Variants in COL6A5 observed in about 807,000 individuals in gnomAD.
COL6A5 encodes collagen alpha-5(VI) chain.
In COL6A5, 48 loss-of-function variants were observed where a neutral mutation model predicts 65.6. The observed-to-expected ratio is 0.73, with a 90% CI of 0.58 to 0.93. COL6A5 has a LOEUF of 0.93. Among genes scored for constraint, COL6A5 ranks in the 40% least tolerant of loss-of-function variants. COL6A5 has a pLI of 0.00. For missense variants in COL6A5, 914 were observed against 928.3 expected (o/e 0.98, Z 0.20); for synonymous variants, 291 against 322.8 (o/e 0.90, Z 1.05).
intron 5 of COL6A5, among the ~76,000 whole-genome samples, chr3:130,465,205 G>A (rs1709786861): frequency 6.6e-6 from 1 of 152,020 alleles, no homozygotes; most frequent in Non-Finnish European, 1.5e-5. Flanking sequence ...TGGAGCTGAG[G>A]AGTCAGAGCT....
chr3:130,478,260 G>A (rs1710147067), intron 7 of COL6A5, among the ~76,000 whole-genome samples: 1 of 152,130 alleles, frequency 6.6e-6, no homozygotes, highest in Admixed American at 6.6e-5. Context: ...GATGATGACA[G>A]TGATGATAAC....
chr3:130,400,610 A>G (rs561735915), intron 10 of COL6A5, among the ~76,000 whole-genome samples: 1 of 152,310 alleles, frequency 6.6e-6, no homozygotes, highest in Admixed American at 6.5e-5. Flanking sequence ...AATTGGGAAT[A>G]ACTTGAGAAT....
In COL6A5 at chr3:130,401,177, AG is replaced by A; in HGVS notation, c.4134+5del. On this transcript the variant is annotated splice_donor_5th_base_variant and intron_variant and NMD_transcript_variant, in intron 11 of 41. Coordinates refer to the COL6A5 transcript ENST00000312481. Reference sequence around the variant, plus strand: ...CAAAAAACTATCACAGTACCTGGTGAGTTGTTGAACAAAATCCCCGGTTGTT... The same window carrying A: ...CAAAAAACTATCACAGTACCTGGTGATTGTTGAACAAAATCCCCGGTTGTT... The A allele has an allele frequency of 6.5e-7, 1 of 1,532,888 alleles. No individual in the cohort carries two copies. The highest frequency in any genetic ancestry group is 8.8e-7 in the Non-Finnish European group (1 of 1,140,944). 95.0% of individuals were successfully genotyped at this position (1,532,888 alleles called of 1,614,324 possible). A position where few individuals can be genotyped will look rare whatever the true frequency, so the allele number is the denominator to read the frequency against.
At chr3:130,384,722 T>G in intron 4 of COL6A5, 82 bp from the exon 5 acceptor site, 1 of 1,147,528 alleles carries the variant, frequency 8.7e-7, no homozygotes, top group Non-Finnish European at 1.2e-6. Flanking sequence ...TAGAAATGCC[T>G]CAGCCTCATG....
chr3:130,422,729 G>T lies in COL6A5; in HGVS notation c.5047G>T (p.Gly1683Cys). ...ATATCTGAATCTTCAGGGTGATATT[G>T]GTAATCCTGGAATTCCTGGGGGACC... Residue 1683 changes from glycine (G) to cysteine (C), a missense_variant and NMD_transcript_variant, in exon 28 of 42, where the codon GGT becomes TGT. By Grantham distance (159) the Gly-to-Cys change is radical (BLOSUM62 -3). Transcript: ENST00000312481. 1 of 1,528,500 alleles carries T rather than the reference G, an allele frequency of 6.5e-7. No homozygotes were observed. 94.7% of individuals were successfully genotyped at this position (1,528,500 alleles called of 1,614,324 possible). A position where few individuals can be genotyped will look rare whatever the true frequency, so the allele number is the denominator to read the frequency against.
At chr3:130,384,697 G>A (rs1319558798) in intron 4 of COL6A5, 107 bp from the exon 5 acceptor site, 8 of 896,396 alleles carry the variant, frequency 8.9e-6, no homozygotes, top group South Asian at 3.7e-5. Context: ...ACGCAAAAAC[G>A]AAGTCTTCAT....
In COL6A5 at chr3:130,445,673, G is replaced by C. The variant is rs186953789; in HGVS notation, c.1332+2107G>C. Among the ~76,000 whole-genome samples the C allele has an allele frequency of 3.7e-3, 564 of 151,818 alleles. 3 individuals are homozygous for C. Among genetic ancestry groups the C allele is most frequent in the Non-Finnish European group, 6.1e-3 (416 of 67,960 alleles). On this transcript the variant is annotated intron_variant, in intron 4 of 7. Coordinates refer to ENST00000512836, the Ensembl canonical transcript of COL6A5. Reference sequence around the variant, plus strand: ...GGGAGTATCATATGAGGCCTGGTGCGGGGGGGATAATGCCTTTATCTTCGC... The same window carrying C: ...GGGAGTATCATATGAGGCCTGGTGCCGGGGGGATAATGCCTTTATCTTCGC...
chr3:130,396,920 T>C (rs1242120144), intron 8 of COL6A5, among the ~76,000 whole-genome samples: 1 of 152,250 alleles, frequency 6.6e-6, no homozygotes, highest in African/African-American at 2.4e-5. Context: ...TGGAGTGCAG[T>C]GGCACGATCT....
upstream of COL6A5, among the ~76,000 whole-genome samples, chr3:130,428,933 A>G (rs959959199): frequency 3.3e-5 from 5 of 152,106 alleles, no homozygotes; most frequent in Non-Finnish European, 7.4e-5. Flanking sequence ...ATGAACATGG[A>G]AATTGTCAGG....
At chr3:130,399,132 T>C (rs182907459) in intron 10 of COL6A5, among the ~76,000 whole-genome samples, 1 of 152,202 alleles carries the variant, frequency 6.6e-6, no homozygotes, top group African/African-American at 2.4e-5. Context: ...ATGAGATGCA[T>C]TGTTTAAGAA....
At chr3:130,436,320 G>C (rs971481133) in intron 1 of COL6A5, among the ~76,000 whole-genome samples, 1 of 151,804 alleles carries the variant, frequency 6.6e-6, no homozygotes, top group Non-Finnish European at 1.5e-5. Flanking sequence ...GAGACCCTCT[G>C]TCTACTATAG....
rs572407372 is a variant in COL6A5 at position 130,350,932 on chromosome 3, C to T, written c.-29+4951C>T. Among the ~76,000 whole-genome samples, 1,501 of 152,232 alleles carry T rather than the reference C, an allele frequency of 9.9e-3. 16 individuals are homozygous for T. The highest frequency in any genetic ancestry group is 0.08 in the South Asian group (385 of 4,822). On this transcript the variant is annotated intron_variant and NMD_transcript_variant, in intron 1 of 41. Transcript: ENST00000312481. Reference sequence around the variant, plus strand: ...AAACTATACTACAAGGCTACAGTAACAAAAACAGCATGGTACTGGTACCAA... The same window carrying T: ...AAACTATACTACAAGGCTACAGTAATAAAAACAGCATGGTACTGGTACCAA...
rs1350495653 is a variant in COL6A5 at position 130,470,876 on chromosome 3, A to G, written c.2239A>G (p.Ile747Val). ...CCAGCCCACTCTCTCTCCAGGTGCC[A>G]TCAACAAATATCCCACCGAAGATAT... Residue 747 changes from isoleucine (I) to valine (V), a missense_variant, in exon 7 of 8, where the codon ATC (isoleucine) becomes GTC (valine). By Grantham distance (29) the Ile-to-Val change is conservative. Coordinates refer to ENST00000512836, the Ensembl canonical transcript of COL6A5. The G allele has an allele frequency of 4.3e-6, 7 of 1,611,226 alleles. No homozygotes were observed. In the South Asian group the frequency reaches 6.6e-5, roughly 15 times the overall value.
chr3:130,388,499 G>A, intron 5 of COL6A5, 81 bp from the exon 6 acceptor site: 3 of 1,087,540 alleles, frequency 2.8e-6, no homozygotes, highest in South Asian at 3.7e-5. Context: ...TCTCATTAAT[G>A]CATTTGTTTC....
intron 1 of COL6A5, among the ~76,000 whole-genome samples, chr3:130,361,516 T>G (rs546740556): frequency 6.6e-6 from 1 of 152,212 alleles, no homozygotes; most frequent in South Asian, 2.1e-4. Context: ...TTTTGGCAAT[T>G]ATCAATAAGG....
intron 1 of COL6A5, among the ~76,000 whole-genome samples, chr3:130,363,549 A>G (rs1442077319): frequency 6.6e-6 from 1 of 152,008 alleles, no homozygotes; most frequent in Non-Finnish European, 1.5e-5. Flanking sequence ...TTCTGATAAA[A>G]CCCCAGCAGG....
chr3:130,366,483 T>G (rs1935345643), intron 1 of COL6A5, among the ~76,000 whole-genome samples: 1 of 152,172 alleles, frequency 6.6e-6, no homozygotes, highest in Non-Finnish European at 1.5e-5. Context: ...ATTTACAAAA[T>G]GAGATCATTC....
intron 19 of COL6A5, 42 bp downstream of exon 19, chr3:130,410,116 A>G (rs769737629): frequency 2.2e-6 from 3 of 1,392,892 alleles, no homozygotes; most frequent in African/African-American, 1.4e-5. Flanking sequence ...TAATTCTGTT[A>G]TTGATCCAAG....
intron 7 of COL6A5, chr3:130,477,133 A>G (rs1710119577): frequency 1.5e-6 from 2 of 1,349,000 alleles, no homozygotes; most frequent in Admixed American, 2.0e-5. Context: ...CTCTATGTTT[A>G]TAGAACGTAA....
Sources: gnomAD v4.1 joint callset for allele counts (sites outside exome capture counted in the v4.1 genomes callset) on GRCh38, gnomAD v4.1.1 for gene constraint, MANE v1.5 for transcripts, NCBI Gene and HGNC (gene_info 2026-07-23, HGNC 2026-07-21) for gene names.